Variants in COX7A2L observed in about 807,000 individuals in gnomAD.
The protein encoded by COX7A2L is cytochrome c oxidase subunit 7A2-like, mitochondrial.
In COX7A2L, 18 loss-of-function variants were observed where a neutral mutation model predicts 14.2. The ratio of observed to expected loss-of-function variants is 1.27; its 90% confidence interval spans 0.88 to 1.88. The LOEUF (loss-of-function observed/expected upper bound fraction) is 1.88, where lower values mean the gene tolerates loss of function less well. Ranked by LOEUF, COX7A2L falls within the 40% of genes most tolerant of loss-of-function variation. The pLI is 0.00. For missense variants in COX7A2L, 179 were observed against 138.8 expected (o/e 1.29, Z -1.46); for synonymous variants, 65 against 57.4 (o/e 1.13, Z -0.60).
chr2:42,367,687 T>C (rs1223921975), intron 1 of COX7A2L, among the ~76,000 whole-genome samples: 1 of 152,358 alleles, frequency 6.6e-6, no homozygotes, highest in African/African-American at 2.4e-5. Context: ...GGCTGTGCCC[T>C]CCACTGACCA....
intron 1 of COX7A2L, chr2:42,359,528 G>C (rs771218499): frequency 2.6e-5 from 4 of 152,146 alleles, no homozygotes; most frequent in Non-Finnish European, 5.9e-5. Context: ...TGTAAAAGAA[G>C]TGCAACACTG....
chr2:42,338,381 T>G lies in COX7A2L; in HGVS notation c.193-4512A>C, dbSNP rs1670329477. On this transcript the variant is annotated intron_variant, in intron 2 of 2. Coordinates refer to the COX7A2L transcript ENST00000468711. The surrounding 1 kb of genome is among the most constrained non-coding windows in gnomAD (Gnocchi z 4.4). ...AAAGGAAGAGCAGAATTTCACTCTC[T>G]AGCAGAGCCCTCCCAAGACTGCCGC... is the stretch of plus-strand genomic sequence containing the variant. Among the ~76,000 whole-genome samples the G allele has an allele frequency of 6.6e-6, 1 of 152,146 alleles. No individual in the cohort carries two copies. The highest frequency in any genetic ancestry group is 6.5e-5 in the Admixed American group (1 of 15,282).
At position 42,351,134 on chromosome 2, in the gene COX7A2L, T is replaced by TA. The variant is rs568475280; in HGVS notation, c.*84dup. On this transcript the variant is annotated 3_prime_UTR_variant, in exon 3 of 3. Transcript: ENST00000234301. ...TTGCAAAAATGTTAAGCCATCCAAG[T>TA]AAAAAAAAAAATTTTAATTTAACAA... 21,207 of 1,154,620 alleles carry TA rather than the reference T, an allele frequency of 0.018. 30 individuals are homozygous for TA. The highest frequency in any genetic ancestry group is 0.018 in the Non-Finnish European group (15,746 of 853,906). The allele number at this position is 1,154,620 out of a possible 1,614,324, so 71.5% of individuals were successfully genotyped here. A position where few individuals can be genotyped will look rare whatever the true frequency, so the allele number is the denominator to read the frequency against.
At chr2:42,341,930 T>C (rs559705366) in intron 2 of COX7A2L, among the ~76,000 whole-genome samples, 6 of 152,316 alleles carry the variant, frequency 3.9e-5, no homozygotes, top group Middle Eastern at 3.4e-3. Context: ...CACTGAACTT[T>C]GAAGACATCA....
intron 1 of COX7A2L, among the ~76,000 whole-genome samples, chr2:42,356,192 C>T (rs1670814509): frequency 6.6e-6 from 1 of 152,148 alleles, no homozygotes; most frequent in African/African-American, 2.4e-5. Context: ...TATACCCTCA[C>T]CTTCTTCAGG....
rs576480523 is a variant in COX7A2L, at chr2:42,351,201, A to G, written c.*18T>C. 8.7e-6 allele frequency: 14 copies of G among 1,606,112 alleles called. No individual in the cohort carries two copies. In the African/African-American group the frequency reaches 1.9e-4, roughly 22 times the overall value. On this transcript the variant is annotated 3_prime_UTR_variant, in exon 3 of 3. Transcript: ENST00000234301. ...AAGGGTTTATGCCAAAAAACAAACC[A>G]GTCCTCTGCAGCCTAACTCATTTGT...
At chr2:42,337,439 T>G (rs1253386597) in intron 2 of COX7A2L, among the ~76,000 whole-genome samples, 2 of 151,922 alleles carry the variant, frequency 1.3e-5, no homozygotes, top group African/African-American at 4.8e-5. Context: ...AAAAGACTAG[T>G]GACTTCAGGG....
At chr2:42,358,703 G>A (rs896433410) in intron 1 of COX7A2L, among the ~76,000 whole-genome samples, 7 of 152,212 alleles carry the variant, frequency 4.6e-5, no homozygotes, top group Non-Finnish European at 2.9e-5. Flanking sequence ...AAATCTGAAA[G>A]CCCTATCTAT....
chr2:42,355,348 T>C (rs896802984), intron 1 of COX7A2L, among the ~76,000 whole-genome samples: 1 of 152,210 alleles, frequency 6.6e-6, no homozygotes, highest in African/African-American at 2.4e-5. Flanking sequence ...TGCAAAAATT[T>C]CTTCTTGAAT....
chr2:42,366,994 C>T (rs1286307649), intron 1 of COX7A2L, among the ~76,000 whole-genome samples: 1 of 152,126 alleles, frequency 6.6e-6, no homozygotes, highest in Non-Finnish European at 1.5e-5. Context: ...GTTGGGTATC[C>T]CACTAAAATA....
chr2:42,359,811 C>G (rs1670959003), intron 1 of COX7A2L: 1 of 151,118 alleles, frequency 6.6e-6, no homozygotes, highest in Non-Finnish European at 1.5e-5. Flanking sequence ...TAAACTCTTC[C>G]TTCCCGTTCC....
At chr2:42,366,025 T>C (rs1671157481), upstream of COX7A2L, among the ~76,000 whole-genome samples, 1 of 152,210 alleles carries the variant, frequency 6.6e-6, no homozygotes, top group Non-Finnish European at 1.5e-5. Context: ...GTGGAAAAGA[T>C]TAAGAACCAT....
chr2:42,361,236 T>C (rs754494173), upstream of COX7A2L: 60 of 1,416,724 alleles, frequency 4.2e-5, no homozygotes, highest in Middle Eastern at 7.1e-4. Context: ...TCCCCGGCTG[T>C]GGTCCCGAGA....
intron 1 of COX7A2L, 90 bp downstream of exon 1, chr2:42,361,000 A>G (rs1353134498): frequency 7.1e-7 from 1 of 1,401,578 alleles, no homozygotes; most frequent in South Asian, 1.2e-5. Flanking sequence ...CGCGGGCAGA[A>G]GCCTCCCCTG....
Position 42,351,206 on chromosome 2 carries a change from T to C in COX7A2L, c.*13A>G. ...TTTATGCCAAAAAACAAACCAGTCC[T>C]CTGCAGCCTAACTCATTTGTTTTTG... On this transcript the variant is annotated 3_prime_UTR_variant, in exon 3 of 3. Transcript: ENST00000234301. 6.2e-7 allele frequency: 1 copy of C among 1,611,666 alleles called. No homozygotes were observed. The highest frequency in any genetic ancestry group is 8.5e-7 in the Non-Finnish European group (1 of 1,178,862).
chr2:42,337,704 A>G (rs1670311765), intron 2 of COX7A2L, among the ~76,000 whole-genome samples: 1 of 151,098 alleles, frequency 6.6e-6, no homozygotes, highest in East Asian at 1.9e-4. Context: ...GGTTCATGGG[A>G]CTCTTATTTT....
chr2:42,353,070 G>C, intron 2 of COX7A2L, 142 bp downstream of exon 2: 1 of 1,035,824 alleles, frequency 9.7e-7, no homozygotes, highest in Non-Finnish European at 1.4e-6. Flanking sequence ...TTCGTTTATG[G>C]CTCAAACTAA....
At chr2:42,361,499 G>A, upstream of COX7A2L, 1 of 211,718 alleles carries the variant, frequency 4.7e-6, no homozygotes, top group Non-Finnish European at 9.7e-6. Context: ...CACGGACTAA[G>A]CCCGGCGGAC....
At chr2:42,360,153 G>GT (rs1670975626) in intron 1 of COX7A2L, 1 of 152,296 alleles carries the variant, frequency 6.6e-6, no homozygotes, top group Non-Finnish European at 1.5e-5. Flanking sequence ...GTCTAACTGC[G>GT]TATCTCACCG....
Sources: allele counts gnomAD v4.1 joint callset (sites outside exome capture counted in the v4.1 genomes callset), GRCh38; gene constraint gnomAD v4.1.1; non-coding constraint Gnocchi (gnomAD v3.1); transcripts MANE v1.5; gene names NCBI Gene and HGNC (gene_info 2026-07-23, HGNC 2026-07-21).